The following PITPNM3 variants were observed in gnomAD, a reference collection of about 807,000 sequenced individuals.
PITPNM3 encodes the protein PITPNM family member 3, also known as membrane-associated phosphatidylinositol transfer protein 3.
PITPNM3 carries 26 observed loss-of-function variants against 102.0 expected under a neutral mutation model. The ratio of observed to expected loss-of-function variants is 0.25; its 90% CI spans 0.19 to 0.35. The LOEUF (loss-of-function observed/expected upper bound fraction) is 0.35. Ranked by LOEUF, PITPNM3 falls within the 10% of genes least tolerant of loss-of-function variation. The pLI is 1.00. For synonymous variants in PITPNM3, 578 were observed against 558.6 expected (o/e 1.03, Z -0.49); for missense variants, 1,083 against 1,346.1 (o/e 0.80, Z 3.06).
intron 6 of PITPNM3, chr17:6,479,379 T>C (rs1296573263): frequency 1.3e-5 from 2 of 152,690 alleles, no homozygotes; most frequent in East Asian, 1.9e-4. Flanking sequence ...AGACTTTGCA[T>C]TGGCACCCTC....
chr17:6,500,951 C>T (rs1273875938), intron 4 of PITPNM3, among the ~76,000 whole-genome samples: 3 of 152,216 alleles, frequency 2.0e-5, no homozygotes, highest in African/African-American at 7.2e-5. Flanking sequence ...GCTGGAATTA[C>T]AGGTGTGAGC....
At chr17:6,508,703 C>T (rs546419721) in intron 3 of PITPNM3, among the ~76,000 whole-genome samples, 204 of 152,252 alleles carry the variant, frequency 1.3e-3, no homozygotes, top group African/African-American at 4.4e-3. Context: ...TCTCCTGCAG[C>T]GCAGCCTGAG....
rs1905936199 is a variant in PITPNM3 at position 6,484,270 on chromosome 17, C to T, written c.297G>A (p.Leu99=). The T allele has an allele frequency of 6.2e-7, 1 of 1,610,086 alleles. No homozygotes were observed. The stretch of plus-strand genomic sequence containing the variant: ...CCTGGGCTGGGAACCTCTGTCTTCT[C>T]AAGGAAACCCGGTACAGTTCTCCTG... ...EKQRELYRVS[L]RRQRFPAQGS... is the part of the protein sequence containing the mutation. The change falls in exon 5 of 20, where the codon TTG becomes TTA. Residue 99 remains leucine (L), a synonymous_variant. Coordinates refer to ENST00000262483, the MANE Select transcript of PITPNM3 (RefSeq NM_031220.4).
chr17:6,455,533 C>A lies in PITPNM3; in HGVS notation c.2730G>T (p.Leu910=), dbSNP rs770336976. ...TCCGCAGGAACTCTGGCTGCGCGTGCAGCCCGAAGCTGCCCTTGCGCAGGA... is the reference window on the plus strand; with the variant it reads ...TCCGCAGGAACTCTGGCTGCGCGTGAAGCCCGAAGCTGCCCTTGCGCAGGA... ...RMILRKGSFG[L]HAQPEFLRKR... The change falls in exon 20 of 20, where the codon CTG becomes CTT. Residue 910 remains leucine, a synonymous_variant. Transcript: ENST00000262483. 67 of 1,604,688 alleles carry A rather than the reference C, an allele frequency of 4.2e-5. No individual in the cohort carries two copies. In the South Asian group the frequency reaches 5.1e-4, roughly 12 times the overall value.
chr17:6,509,847 C>T (rs1473168011), intron 3 of PITPNM3, among the ~76,000 whole-genome samples: 1 of 152,194 alleles, frequency 6.6e-6, no homozygotes, highest in Non-Finnish European at 1.5e-5. Flanking sequence ...CCTGCTTAAA[C>T]CATTCAGTGG....
chr17:6,460,112 A>C (rs948911703), intron 18 of PITPNM3, among the ~76,000 whole-genome samples: 2 of 152,048 alleles, frequency 1.3e-5, no homozygotes, highest in Admixed American at 1.3e-4. Flanking sequence ...CTGGTTTCCA[A>C]GGTTTTCAAG....
chr17:6,487,967 A>G (rs1198232544), intron 4 of PITPNM3, among the ~76,000 whole-genome samples: 1 of 152,116 alleles, frequency 6.6e-6, no homozygotes, highest in Non-Finnish European at 1.5e-5. Context: ...CTTCCTTTCC[A>G]TGCACAAAAG....
At chr17:6,502,359 G>A (rs946551609) in intron 4 of PITPNM3, among the ~76,000 whole-genome samples, 5 of 152,184 alleles carry the variant, frequency 3.3e-5, no homozygotes, top group Admixed American at 6.5e-5. Context: ...AGGCTGAGGC[G>A]GGAGAATGAT....
At position 6,453,153 on chromosome 17, in the gene PITPNM3, CT is replaced by C. The variant is rs886053294; in HGVS notation, c.*2184del. ...TCTCTCTCTCTCTCTCCCTCTCTCT[CT>C]TTCTCTCTCCCTCTCCCTCTCTCGC... is the stretch of plus-strand genomic sequence containing the variant. On this transcript the variant is annotated 3_prime_UTR_variant, in exon 20 of 20. Transcript: ENST00000262483. The C allele has an allele frequency of 6.6e-6, 1 of 151,766 alleles. No homozygotes were observed. Among genetic ancestry groups the C allele is most frequent in the Non-Finnish European group, 1.5e-5 (1 of 67,968 alleles). The allele number at this position is 151,766 out of a possible 1,614,324, so 9.4% of individuals were successfully genotyped here.
Position 6,464,979 on chromosome 17 carries a change from G to A in PITPNM3, c.1891-208C>T, listed in dbSNP as rs138701001. On this transcript the variant is annotated intron_variant, in intron 14 of 19. Transcript: ENST00000262483. Reference sequence around the variant, plus strand: ...GTCCCCCAAACGCTGTCTTCAAGGTGCACAGGGCTTCCTGCCATTGTACGT... The same window carrying A: ...GTCCCCCAAACGCTGTCTTCAAGGTACACAGGGCTTCCTGCCATTGTACGT... Among the ~76,000 whole-genome samples, 607 of 152,308 alleles carry A rather than the reference G, an allele frequency of 4.0e-3. 5 individuals are homozygous for A. The highest frequency in any genetic ancestry group is 0.013 in the African/African-American group (553 of 41,572).
Position 6,469,162 on chromosome 17 carries a change from T to G in PITPNM3, c.1774-821A>C, listed in dbSNP as rs9913742. 0.35 allele frequency among the ~76,000 whole-genome samples: 52,905 copies of G among 152,016 alleles called. 10,738 individuals carry two copies. The highest frequency in any genetic ancestry group is 0.56 in the Middle Eastern group (163 of 292). On this transcript the variant is annotated intron_variant, in intron 13 of 19. Coordinates refer to ENST00000262483, the MANE Select transcript of PITPNM3 (RefSeq NM_031220.4). The surrounding 1 kb of genome is among the most constrained non-coding windows in gnomAD (Gnocchi z 4.0). ...CCTCTCTGTAGGAGCACCCTTAGTCTGGCACTCATCGCCAGTTGTAAATGC... is the reference window on the plus strand; with the variant it reads ...CCTCTCTGTAGGAGCACCCTTAGTCGGGCACTCATCGCCAGTTGTAAATGC...
chr17:6,529,385 G>A (rs1909017559), intron 2 of PITPNM3, among the ~76,000 whole-genome samples: 1 of 152,080 alleles, frequency 6.6e-6, no homozygotes, highest in Non-Finnish European at 1.5e-5. Context: ...ACAAGGGCAG[G>A]AGTTCGAGAC....
In PITPNM3 at chr17:6,478,207, G is replaced by C. The variant is rs1331927915; in HGVS notation, c.778-110C>G. On this transcript the variant is annotated intron_variant, in intron 7 of 19. Transcript: ENST00000262483. The surrounding 1 kb of genome is among the most constrained non-coding windows in gnomAD (Gnocchi z 4.4). The stretch of plus-strand genomic sequence containing the variant: ...ACAGGAGAATGAGAAACTCGTCCTT[G>C]GGAGGTGTTGAGAGAGCCCAACTGG... The C allele has an allele frequency of 1.9e-6, 3 of 1,552,852 alleles. No individual in the cohort carries two copies. Among genetic ancestry groups the C allele is most frequent in the Non-Finnish European group, 2.6e-6 (3 of 1,148,194 alleles).
At chr17:6,510,605 G>A (rs551537149) in intron 3 of PITPNM3, among the ~76,000 whole-genome samples, 69 of 152,276 alleles carry the variant, frequency 4.5e-4, no homozygotes, top group Non-Finnish European at 8.5e-4. Flanking sequence ...CTGACACAGA[G>A]TAAGTGTCCA....
intron 3 of PITPNM3, among the ~76,000 whole-genome samples, chr17:6,520,418 T>C (rs1908441318): frequency 6.6e-6 from 1 of 152,212 alleles, no homozygotes; most frequent in African/African-American, 2.4e-5. Context: ...ACAACTATAG[T>C]AGAGAATATT....
rs759060250 is a variant in PITPNM3 at position 6,471,342 on chromosome 17, G to A, written c.1443C>T (p.His481=). The part of the protein sequence containing the change: ...GQSLLLADAL[H]THSPLFLEGS... ...CCTCCAGGAAGAGGGGGCTGTGGGT[G>A]TGTAGGGCATCAGCTGGAGGGGGAA... The change falls in exon 12 of 20, where the codon CAC becomes CAT. Residue 481 remains histidine (H), a synonymous_variant. Transcript: ENST00000262483. 1 of 1,598,800 alleles carries A rather than the reference G, an allele frequency of 6.3e-7. No homozygotes were observed. Among genetic ancestry groups the A allele is most frequent in the East Asian group, 2.2e-5 (1 of 44,600 alleles).
At chr17:6,466,123 T>C (rs1206385936) in intron 14 of PITPNM3, among the ~76,000 whole-genome samples, 2 of 152,232 alleles carry the variant, frequency 1.3e-5, no homozygotes, top group African/African-American at 4.8e-5. Flanking sequence ...TGCCAGGCTC[T>C]GCAGCAGCCT....
In PITPNM3 at chr17:6,470,242, C is replaced by T. The variant is rs372584923; in HGVS notation, c.1773+18G>A. ...CTTGGGGTGGCTGTGGGCAGGCCCG[C>T]GACTGCGGCAGCAGTACCTGTCTCA... is the stretch of plus-strand genomic sequence containing the variant. On this transcript the variant is annotated intron_variant, in intron 13 of 19. Transcript: ENST00000262483. The surrounding 1 kb of genome is among the most constrained non-coding windows in gnomAD (Gnocchi z 4.8). The T allele has an allele frequency of 5.6e-5, 89 of 1,588,326 alleles. No homozygotes were observed. The highest frequency in any genetic ancestry group is 1.2e-4 in the African/African-American group (9 of 74,554).
Position 6,541,230 on chromosome 17 carries a change from G to A in PITPNM3, c.23-3148C>T, listed in dbSNP as rs113874055. Among the ~76,000 whole-genome samples the A allele has an allele frequency of 8.7e-3, 1,323 of 152,014 alleles. 17 individuals carry two copies. The highest frequency in any genetic ancestry group is 0.03 in the African/African-American group (1,235 of 41,424). On this transcript the variant is annotated intron_variant, in intron 1 of 19. Coordinates refer to ENST00000262483, the MANE Select transcript of PITPNM3 (RefSeq NM_031220.4). ...AGGGGTTAGAGGGGAAGACCTTTGT[G>A]GAAAGGTGTCAGGCAAGCAGAGGCC...
Sources: gnomAD v4.1 joint callset for allele counts (sites outside exome capture counted in the v4.1 genomes callset) on GRCh38, gnomAD v4.1.1 for gene constraint, Gnocchi (gnomAD v3.1) non-coding constraint, MANE v1.5 for transcripts, NCBI Gene and HGNC (gene_info 2026-07-23, HGNC 2026-07-21) for gene names.